MYOCD: variants seen among roughly 807,000 people sequenced by gnomAD.
MYOCD encodes the protein myocardin.
In MYOCD, 32 loss-of-function variants were observed where a neutral mutation model predicts 96.1. The ratio of observed to expected loss-of-function variants is 0.33; its 90% CI spans 0.25 to 0.45. The LOEUF (loss-of-function observed/expected upper bound fraction) is 0.45. Ranked by LOEUF, MYOCD falls within the 20% of genes least tolerant of loss-of-function variation. The pLI is 1.00. For missense variants in MYOCD, 1,133 were observed against 1,200.6 expected, an observed-to-expected ratio of 0.94 and a Z score of 0.83; for synonymous variants, 469 against 469.0, an observed-to-expected ratio of 1.00 and a Z score of 0.00.
chr17:12,755,693 G>A (rs1389926347), intron 10 of MYOCD, among the ~76,000 whole-genome samples: 3 of 152,174 alleles, frequency 2.0e-5, no homozygotes, highest in Non-Finnish European at 2.9e-5. Context: ...CCAATATGGT[G>A]AGACCCCATC....
chr17:12,765,286 A>G lies in MYOCD; in HGVS notation c.*1642A>G, dbSNP rs1190052049. 6.6e-6 allele frequency: 1 copy of G among 151,684 alleles called. No homozygotes were observed. The highest frequency in any genetic ancestry group is 1.5e-5 in the Non-Finnish European group (1 of 67,962). 9.4% of individuals were successfully genotyped at this position (151,684 alleles called of 1,614,324 possible). ...GCTGTTGTTTTGTTTTTTTATTTAAATCACTAAGGCACTGTTTTTATCTTT... is the reference window on the plus strand; with the variant it reads ...GCTGTTGTTTTGTTTTTTTATTTAAGTCACTAAGGCACTGTTTTTATCTTT... On this transcript the variant is annotated 3_prime_UTR_variant, in exon 14 of 14. Coordinates refer to ENST00000425538, the MANE Select transcript of MYOCD (RefSeq NM_001146312.3).
chr17:12,687,137 C>T (rs768889640), intron 1 of MYOCD, among the ~76,000 whole-genome samples: 8 of 152,148 alleles, frequency 5.3e-5, no homozygotes, highest in Non-Finnish European at 1.0e-4. Context: ...TGAGAGGTTT[C>T]GCTTTTGTTG....
intron 8 of MYOCD, 47 bp from the exon 9 acceptor site, chr17:12,745,872 C>T (rs754176941): frequency 1.9e-6 from 3 of 1,600,778 alleles, no homozygotes; most frequent in South Asian, 1.1e-5. Context: ...CAAGTTATCC[C>T]ACCAATATTT....
chr17:12,715,588 A>G lies in MYOCD; in HGVS notation c.177+14A>G. 6.2e-7 allele frequency: 1 copy of G among 1,608,776 alleles called. No homozygotes were observed. The highest frequency in any genetic ancestry group is 8.5e-7 in the Non-Finnish European group (1 of 1,175,564). On this transcript the variant is annotated intron_variant, in intron 3 of 13. Transcript: ENST00000425538. ...GATAGTGACAAGGTAATTTTTGCAAATTTCTTGACCCAAGCTTAGACTATA... is the reference window on the plus strand; with the variant it reads ...GATAGTGACAAGGTAATTTTTGCAAGTTTCTTGACCCAAGCTTAGACTATA...
chr17:12,684,451 C>T (rs566676704), intron 1 of MYOCD, among the ~76,000 whole-genome samples: 4 of 152,194 alleles, frequency 2.6e-5, no homozygotes, highest in African/African-American at 9.6e-5. Context: ...CAAATAGGAA[C>T]CTTTTCCTTG....
In MYOCD at chr17:12,750,555, G is replaced by T. The variant is rs192691487; in HGVS notation, c.1126-1859G>T. Reference sequence around the variant, plus strand: ...AATACAAAAATTAGCCCGGTGTGGTGGTGCGTGCCTGTAATCCCAGCTACT... The same window carrying T: ...AATACAAAAATTAGCCCGGTGTGGTTGTGCGTGCCTGTAATCCCAGCTACT... On this transcript the variant is annotated intron_variant, in intron 9 of 13. Coordinates refer to ENST00000425538, the MANE Select transcript of MYOCD (RefSeq NM_001146312.3). Among the ~76,000 whole-genome samples, 1,416 of 152,154 alleles carry T rather than the reference G, an allele frequency of 9.3e-3. 32 individuals are homozygous for T. The highest frequency in any genetic ancestry group is 0.031 in the African/African-American group (1,280 of 41,496).
At chr17:12,686,964 G>A (rs117785637) in intron 1 of MYOCD, among the ~76,000 whole-genome samples, 5 of 152,172 alleles carry the variant, frequency 3.3e-5, no homozygotes, top group African/African-American at 7.2e-5. Flanking sequence ...ATCTACATCC[G>A]CTCTTTGCTC....
At chr17:12,746,106 T>A in intron 9 of MYOCD, 34 bp downstream of exon 9, 1 of 1,607,332 alleles carries the variant, frequency 6.2e-7, no homozygotes. Context: ...TTTCTTTTTT[T>A]AAACAAATAC....
intron 5 of MYOCD, among the ~76,000 whole-genome samples, chr17:12,735,960 G>A (rs1463407110): frequency 6.6e-6 from 1 of 152,046 alleles, no homozygotes; most frequent in African/African-American, 2.4e-5. Flanking sequence ...ACCTTTGATA[G>A]AGCACTCTTT....
rs138870309 is a variant in MYOCD, at chr17:12,676,632, C to T, written c.55+10389C>T. 6.2e-4 allele frequency among the ~76,000 whole-genome samples: 95 copies of T among 152,148 alleles called. No homozygotes were observed. In the East Asian group the frequency reaches 0.017, roughly 27 times the overall value. ...AGCTAAATCAGGAGTTGGCTGAGGC[C>T]ATGGGAGGTTTAAGTTGTTCTCAAA... On this transcript the variant is annotated intron_variant, in intron 1 of 13. Transcript: ENST00000425538.
At chr17:12,710,482 A>AT (rs11392918) in intron 2 of MYOCD, 143,490 of 973,564 alleles carry the variant, frequency 0.15, 9,478 homozygotes, top group Admixed American at 0.2. Context: ...TGCTGCCTTT[A>AT]TTTTTTTTGC....
At chr17:12,760,932 T>C in intron 13 of MYOCD, 2 of 488,730 alleles carry the variant, frequency 4.1e-6, no homozygotes, top group South Asian at 3.5e-5. Context: ...TTTTCAGCAA[T>C]CATTTTAATA....
chr17:12,709,696 A>G (rs2031420109), intron 2 of MYOCD, among the ~76,000 whole-genome samples: 1 of 152,340 alleles, frequency 6.6e-6, no homozygotes. Flanking sequence ...ACCAGGATTC[A>G]TAGGAAATGG....
At chr17:12,751,082 C>T (rs1464717716) in intron 9 of MYOCD, among the ~76,000 whole-genome samples, 1 of 152,004 alleles carries the variant, frequency 6.6e-6, no homozygotes, top group African/African-American at 2.4e-5. Flanking sequence ...TCTTTTCCTA[C>T]AGAGTATCAG....
At chr17:12,688,813 A>C (rs1247038395) in intron 1 of MYOCD, among the ~76,000 whole-genome samples, 1 of 150,188 alleles carries the variant, frequency 6.7e-6, no homozygotes, top group Admixed American at 6.7e-5. Flanking sequence ...GTGGCAGCCC[A>C]TGATGTGGGC....
intron 12 of MYOCD, among the ~76,000 whole-genome samples, chr17:12,758,818 G>C (rs1187587570): frequency 6.6e-6 from 1 of 152,218 alleles, no homozygotes; most frequent in Non-Finnish European, 1.5e-5. Context: ...GGAGGCCAAG[G>C]TGAGTGGATC....
At chr17:12,697,812 T>C (rs2030851873) in intron 1 of MYOCD, among the ~76,000 whole-genome samples, 1 of 152,148 alleles carries the variant, frequency 6.6e-6, no homozygotes, top group South Asian at 2.1e-4. Context: ...AGAAACAGAT[T>C]GTGGCTTATA....
intron 2 of MYOCD, among the ~76,000 whole-genome samples, chr17:12,709,545 C>T (rs912248676): frequency 5.9e-5 from 9 of 152,000 alleles, no homozygotes; most frequent in Admixed American, 2.0e-4. Flanking sequence ...TTTTCAAACT[C>T]GGCATGAAAC....
rs2032437889 is a variant in MYOCD, at chr17:12,739,302, C to T, written c.691C>T (p.Pro231Ser). The T allele has an allele frequency of 6.2e-7, 1 of 1,605,684 alleles. No individual in the cohort carries two copies. Among genetic ancestry groups the T allele is most frequent in the Admixed American group, 1.7e-5 (1 of 58,160 alleles). The change falls in exon 7 of 14, where the codon CCC becomes TCC. Residue 231 changes from proline (P) to serine (S), a missense_variant. Coordinates refer to ENST00000425538, the MANE Select transcript of MYOCD (RefSeq NM_001146312.3). ...GKQGLGPPSTPIAVHAAVKSK... is the reference protein window; with the variant it reads ...GKQGLGPPSTSIAVHAAVKSK... ...GCAGGGGCTTGGCCCCCCCAGCACC[C>T]CCATAGCCGTGCATGCTGCTGTAAA...
Sources: allele counts gnomAD v4.1 joint callset (sites outside exome capture counted in the v4.1 genomes callset), GRCh38; gene constraint gnomAD v4.1.1; transcripts MANE v1.5; gene names NCBI Gene and HGNC (gene_info 2026-07-23, HGNC 2026-07-21).